Variants in CHD2 observed in about 807,000 individuals in gnomAD.
CHD2 encodes chromodomain helicase DNA binding protein 2.
In CHD2, 28 loss-of-function variants were observed where a neutral mutation model predicts 243.9. That is an observed-to-expected ratio of 0.11 (90% CI 0.09 to 0.16). The LOEUF is 0.16. Ranked by LOEUF, CHD2 falls within the 10% of genes least tolerant of loss-of-function variation. The pLI, the probability that CHD2 is intolerant of heterozygous loss-of-function variation, is 1.00. For missense variants in CHD2, 1,386 were observed against 2,209.8 expected, an observed-to-expected ratio of 0.63 and a Z score of 7.47; for synonymous variants, 775 against 779.0, an observed-to-expected ratio of 0.99 and a Z score of 0.09.
intron 25 of CHD2, 107 bp from the exon 26 acceptor site, chr15:92,985,391 T>A: frequency 1.8e-6 from 2 of 1,118,696 alleles, no homozygotes; most frequent in Non-Finnish European, 2.4e-6. Context: ...TTGTCTGATA[T>A]GGTGAGAAGT....
intron 22 of CHD2, among the ~76,000 whole-genome samples, chr15:92,980,526 G>C (rs1046631341): frequency 5.9e-5 from 9 of 152,126 alleles, no homozygotes; most frequent in African/African-American, 1.7e-4. Context: ...TGAGTAAAAG[G>C]CCAAAGGAAA....
chr15:93,020,226 A>G lies in CHD2; in HGVS notation c.5121A>G (p.Arg1707=), dbSNP rs1429253236. The G allele has an allele frequency of 5.0e-6, 8 of 1,614,022 alleles. No homozygotes were observed. The highest frequency in any genetic ancestry group is 6.8e-6 in the Non-Finnish European group (8 of 1,180,016). Residue 1707 remains arginine, a synonymous_variant, in exon 38 of 39, where the codon CGA becomes CGG. Coordinates refer to ENST00000394196, the MANE Select transcript of CHD2 (RefSeq NM_001271.4). ...CTTATGACCAGTACAGCAGTGACCGAGACCACCGGGGACACAGAGATTATT... is the reference window on the plus strand; with the variant it reads ...CTTATGACCAGTACAGCAGTGACCGGGACCACCGGGGACACAGAGATTATT... ...KRPYDQYSSD[R]DHRGHRDYYD...
chr15:92,938,222 A>G (rs554488849), intron 6 of CHD2, among the ~76,000 whole-genome samples: 44 of 152,352 alleles, frequency 2.9e-4, no homozygotes, highest in Admixed American at 2.3e-3. Flanking sequence ...AATAGTTTTT[A>G]TAGATGAACA....
At chr15:92,959,649 G>C (rs2053659822) in intron 16 of CHD2, among the ~76,000 whole-genome samples, 1 of 152,044 alleles carries the variant, frequency 6.6e-6, no homozygotes, top group African/African-American at 2.4e-5. Flanking sequence ...GCACCACCAT[G>C]CTCAACTAAT....
intron 28 of CHD2, among the ~76,000 whole-genome samples, chr15:92,995,642 A>G (rs765972757): frequency 3.9e-5 from 6 of 152,004 alleles, no homozygotes; most frequent in Non-Finnish European, 5.9e-5. Flanking sequence ...ATGTCAATTC[A>G]CACTTCCCCC....
chr15:92,987,172 A>G (rs918486172), intron 26 of CHD2, among the ~76,000 whole-genome samples: 3 of 152,134 alleles, frequency 2.0e-5, no homozygotes, highest in Non-Finnish European at 2.9e-5. Flanking sequence ...TTTATAATCG[A>G]TAGGTCTTGA....
rs940253890 is a variant in CHD2 at position 93,012,593 on chromosome 15, A to G, written c.4692+149A>G. On this transcript the variant is annotated intron_variant, in intron 36 of 38. Transcript: ENST00000394196. Reference sequence around the variant, plus strand: ...TCAAACAATAAGACCAGATGGGTGAAATAGCCAATGTATTGGAGCCTAACA... The same window carrying G: ...TCAAACAATAAGACCAGATGGGTGAGATAGCCAATGTATTGGAGCCTAACA... The G allele has an allele frequency of 2.0e-5, 11 of 554,224 alleles. No individual in the cohort carries two copies. The African/African-American group carries it at 2.1e-4, about 11-fold the overall frequency. 34.3% of individuals were successfully genotyped at this position (554,224 alleles called of 1,614,324 possible).
intron 35 of CHD2, among the ~76,000 whole-genome samples, chr15:93,010,076 A>G (rs929424291): frequency 3.3e-5 from 5 of 152,078 alleles, no homozygotes; most frequent in Admixed American, 6.5e-5. Flanking sequence ...TTTGCATCCA[A>G]TGTTTGGTTT....
intron 2 of CHD2, among the ~76,000 whole-genome samples, chr15:92,905,205 G>C (rs895434793): frequency 5.3e-5 from 8 of 152,170 alleles, no homozygotes; most frequent in Non-Finnish European, 5.9e-5. Context: ...TGACAGCTTG[G>C]CTGATAGTGG....
intron 21 of CHD2, 109 bp from the exon 22 acceptor site, chr15:92,979,026 C>G (rs2141843987): frequency 1.4e-6 from 2 of 1,396,218 alleles, no homozygotes; most frequent in African/African-American, 1.4e-5. Context: ...AGAATAAATT[C>G]TGTTAAAATT....
intron 26 of CHD2, among the ~76,000 whole-genome samples, chr15:92,990,464 A>G (rs1211015403): frequency 2.0e-5 from 3 of 152,156 alleles, no homozygotes; most frequent in Non-Finnish European, 4.4e-5. Flanking sequence ...TATTGCTTTT[A>G]TGGGGGAGCA....
Position 92,998,715 on chromosome 15 carries a change from A to T in CHD2, c.4008+94A>T. 2.1e-6 allele frequency: 3 copies of T among 1,397,120 alleles called. No individual in the cohort carries two copies. Among genetic ancestry groups the T allele is most frequent in the Non-Finnish European group, 2.9e-6 (3 of 1,023,794 alleles). 86.5% of individuals were successfully genotyped at this position (1,397,120 alleles called of 1,614,324 possible). ...GAGAGAGGCCCTCTCTGAGCACTGC[A>T]CAGAATGTCACCTTCTCATGGGCAT... On this transcript the variant is annotated intron_variant, in intron 31 of 38. Transcript: ENST00000394196. This position sits in a 1 kb window ranked among gnomAD's most constrained non-coding sequence, Gnocchi z 5.1.
intron 2 of CHD2, among the ~76,000 whole-genome samples, chr15:92,910,425 C>A (rs1401991363): frequency 6.6e-6 from 1 of 152,082 alleles, no homozygotes; most frequent in Non-Finnish European, 1.5e-5. Context: ...CGGAATCTCA[C>A]TGTGTTGCCT....
chr15:92,988,759 T>C (rs1042628744), intron 26 of CHD2, among the ~76,000 whole-genome samples: 1 of 152,194 alleles, frequency 6.6e-6, no homozygotes, highest in African/African-American at 2.4e-5. Context: ...ACCAGTGATT[T>C]TTTTTTTCAT....
chr15:92,993,158 C>T lies in CHD2; in HGVS notation c.3595+160C>T, dbSNP rs962618961. 16 of 656,164 alleles carry T rather than the reference C, an allele frequency of 2.4e-5. No individual in the cohort carries two copies. In the East Asian group the frequency reaches 2.9e-4, roughly 12 times the overall value. 40.6% of individuals were successfully genotyped at this position (656,164 alleles called of 1,614,324 possible). A position where few individuals can be genotyped will look rare whatever the true frequency, so the allele number is the denominator to read the frequency against. ...GTTTCTGTGAGCTTAATATTCTACT[C>T]TCCTACAGGTCTACTCACAAATGAA... On this transcript the variant is annotated intron_variant, in intron 28 of 38. Transcript: ENST00000394196.
At chr15:93,022,472 C>T (rs2054545366) in intron 38 of CHD2, among the ~76,000 whole-genome samples, 1 of 152,216 alleles carries the variant, frequency 6.6e-6, no homozygotes, top group South Asian at 2.1e-4. Flanking sequence ...CATACCCAAA[C>T]CGTATCACCA....
intron 34 of CHD2, among the ~76,000 whole-genome samples, chr15:93,007,334 A>G (rs1285367887): frequency 2.6e-5 from 4 of 152,180 alleles, no homozygotes; most frequent in African/African-American, 9.7e-5. Flanking sequence ...TGAATTGCCT[A>G]TTCAGTTATT....
chr15:92,917,609 C>A (rs1187889366), intron 2 of CHD2, among the ~76,000 whole-genome samples: 1 of 152,180 alleles, frequency 6.6e-6, no homozygotes, highest in African/African-American at 2.4e-5. Context: ...AGTCAGTCTT[C>A]TTTGCTTTTC....
chr15:92,925,046 C>T (rs11632112), intron 3 of CHD2, among the ~76,000 whole-genome samples: 4 of 151,982 alleles, frequency 2.6e-5, no homozygotes, highest in African/African-American at 7.3e-5. Flanking sequence ...GGTGATCCAC[C>T]TGCCTCGGCC....
Sources: allele counts gnomAD v4.1 joint callset (sites outside exome capture counted in the v4.1 genomes callset), GRCh38; gene constraint gnomAD v4.1.1; non-coding constraint Gnocchi (gnomAD v3.1); transcripts MANE v1.5; gene names NCBI Gene and HGNC (gene_info 2026-07-23, HGNC 2026-07-21).